Variants in KCNS3 observed in about 807,000 individuals in gnomAD.
KCNS3 encodes the protein potassium voltage-gated channel modifier subfamily S member 3.
In KCNS3, 13 loss-of-function variants were observed where a neutral mutation model predicts 31.0. That is an observed-to-expected ratio of 0.42 (90% CI 0.27 to 0.67). The LOEUF (loss-of-function observed/expected upper bound fraction) is 0.67. Among genes scored for constraint, KCNS3 ranks in the 30% least tolerant of loss-of-function variants. The probability of loss-of-function intolerance (pLI) is 0.25; values close to 1 mark genes in which losing one functional copy is unlikely to be tolerated. For missense variants in KCNS3, 545 were observed against 622.4 expected, an observed-to-expected ratio of 0.88 and a Z score of 1.32; for synonymous variants, 238 against 241.5, an observed-to-expected ratio of 0.99 and a Z score of 0.13.
intron 1 of KCNS3, among the ~76,000 whole-genome samples, chr2:17,909,883 G>T (rs1662430486): frequency 6.6e-6 from 1 of 152,186 alleles, no homozygotes; most frequent in Non-Finnish European, 1.5e-5. Flanking sequence ...AGGGTGGATG[G>T]TGGGCACTTT....
chr2:17,888,673 A>ATATG (rs1209333974), intron 1 of KCNS3, among the ~76,000 whole-genome samples: 1 of 135,818 alleles, frequency 7.4e-6, no homozygotes, highest in Non-Finnish European at 1.6e-5. Context: ...ATATATATAT[A>ATATG]AAGAAAAGGG....
intron 1 of KCNS3, among the ~76,000 whole-genome samples, chr2:17,881,334 T>C (rs1270944629): frequency 6.6e-6 from 1 of 152,192 alleles, no homozygotes; most frequent in Non-Finnish European, 1.5e-5. Context: ...CTGTGTGAAA[T>C]ACCCACAAAG....
At chr2:17,898,264 T>C (rs1259742292) in intron 1 of KCNS3, among the ~76,000 whole-genome samples, 2 of 150,818 alleles carry the variant, frequency 1.3e-5, no homozygotes, top group Non-Finnish European at 3.0e-5. Context: ...TTTTTTTTGC[T>C]TAAGATTGCT....
chr2:17,913,139 T>G (rs2344694), intron 1 of KCNS3, among the ~76,000 whole-genome samples: 1 of 1,474 alleles, frequency 6.8e-4, no homozygotes, highest in East Asian at 0.25. Context: ...TTTTATTTAA[T>G]TAAACACTGG....
At chr2:17,916,186 T>A (rs1662582425) in intron 1 of KCNS3, among the ~76,000 whole-genome samples, 1 of 152,176 alleles carries the variant, frequency 6.6e-6, no homozygotes, top group African/African-American at 2.4e-5. Context: ...CTACCTTCCC[T>A]TAAAGTGTGC....
chr2:17,897,426 A>C (rs766510579), intron 1 of KCNS3, among the ~76,000 whole-genome samples: 3 of 152,172 alleles, frequency 2.0e-5, no homozygotes, highest in Non-Finnish European at 4.4e-5. Context: ...TGCTGAGTTG[A>C]ATGGTAGTTC....
chr2:17,921,537 G>A (rs1394063875), intron 2 of KCNS3, among the ~76,000 whole-genome samples: 3 of 152,016 alleles, frequency 2.0e-5, no homozygotes, highest in African/African-American at 4.8e-5. Flanking sequence ...AAAGAACTAC[G>A]TGAGACTGAA....
chr2:17,931,558 G>A lies in KCNS3; in HGVS notation c.550G>A (p.Ala184Thr), dbSNP rs753326896. The A allele has an allele frequency of 3.7e-6, 6 of 1,614,136 alleles. No individual in the cohort carries two copies. Among genetic ancestry groups the A allele is most frequent in the East Asian group, 2.2e-5 (1 of 44,868 alleles). The change falls in exon 3 of 3, where the codon GCT (alanine) becomes ACT (threonine). Residue 184 changes from alanine (A) to threonine (T), a missense_variant. Physicochemically the swap from Ala to Thr is moderately conservative, Grantham distance 58 (BLOSUM62 0). Coordinates refer to ENST00000304101, the MANE Select transcript of KCNS3 (RefSeq NM_002252.5). This position sits in a 1 kb window ranked among gnomAD's most constrained non-coding sequence, Gnocchi z 5.4. ...RMENPAYCLS[A>T]KLIAISSLSV... Reference sequence around the variant, plus strand: ...GGAGAATCCAGCGTACTGCCTGTCCGCTAAGCTTATCGCTATCTCCTCCTT... The same window carrying A: ...GGAGAATCCAGCGTACTGCCTGTCCACTAAGCTTATCGCTATCTCCTCCTT...
chr2:17,885,235 G>A (rs541315488), intron 1 of KCNS3, among the ~76,000 whole-genome samples: 1 of 152,264 alleles, frequency 6.6e-6, no homozygotes, highest in South Asian at 2.1e-4. Context: ...AAGGACTGAT[G>A]GAGAGTCCTG....
intron 2 of KCNS3, among the ~76,000 whole-genome samples, chr2:17,920,295 C>A (rs1662680962): frequency 6.6e-6 from 1 of 152,112 alleles, no homozygotes; most frequent in Non-Finnish European, 1.5e-5. Context: ...TATTATAATA[C>A]TTTCATTACT....
intron 1 of KCNS3, among the ~76,000 whole-genome samples, chr2:17,888,627 ATG>A (rs1553341392): frequency 5.2e-5 from 3 of 57,718 alleles, no homozygotes; most frequent in African/African-American, 6.7e-5. Flanking sequence ...AATAAAAAAA[ATG>A]TATATATATA....
intron 2 of KCNS3, among the ~76,000 whole-genome samples, chr2:17,927,801 A>G (rs1662871069): frequency 6.6e-6 from 1 of 151,740 alleles, no homozygotes; most frequent in African/African-American, 2.4e-5. Context: ...CATATCAGAC[A>G]ATAATAACTT....
intron 1 of KCNS3, among the ~76,000 whole-genome samples, chr2:17,898,058 T>C (rs1662073737): frequency 6.6e-6 from 1 of 152,122 alleles, no homozygotes. Context: ...GATTAGGGAG[T>C]CCTTTCCCTA....
chr2:17,904,362 C>G (rs1255187030), intron 1 of KCNS3, among the ~76,000 whole-genome samples: 2 of 152,108 alleles, frequency 1.3e-5, no homozygotes, highest in African/African-American at 2.4e-5. Context: ...GATATTAGCC[C>G]TTTGTCAGAT....
chr2:17,891,838 C>G (rs1352117164), intron 1 of KCNS3, among the ~76,000 whole-genome samples: 4 of 152,104 alleles, frequency 2.6e-5, no homozygotes, highest in African/African-American at 9.7e-5. Flanking sequence ...CCTGGTGCTT[C>G]TGTCTCACAG....
chr2:17,879,843 A>G (rs1674602974), intron 1 of KCNS3, among the ~76,000 whole-genome samples: 1 of 152,020 alleles, frequency 6.6e-6, no homozygotes, highest in Non-Finnish European at 1.5e-5. Context: ...TGCCAAAATG[A>G]CCCAGGGGCC....
At chr2:17,879,925 C>G (rs543459783) in intron 1 of KCNS3, among the ~76,000 whole-genome samples, 95 of 152,252 alleles carry the variant, frequency 6.2e-4, no homozygotes, top group African/African-American at 2.2e-3. Context: ...CGGAGAGTAG[C>G]TTTGTGGTTG....
Position 17,907,535 on chromosome 2 carries a change from A to G in KCNS3, c.-251-10145A>G, listed in dbSNP as rs1347918616. Among the ~76,000 whole-genome samples, 11 of 152,170 alleles carry G rather than the reference A, an allele frequency of 7.2e-5. No individual in the cohort carries two copies. The East Asian group carries it at 1.2e-3, about 16-fold the overall frequency. ...AGCTGGTTATTTTGCTCGTTAGTTGATGCAGTTTATTCCTAGCATCGATGA... is the reference window on the plus strand; with the variant it reads ...AGCTGGTTATTTTGCTCGTTAGTTGGTGCAGTTTATTCCTAGCATCGATGA... On this transcript the variant is annotated intron_variant, in intron 1 of 2. Coordinates refer to ENST00000304101, the MANE Select transcript of KCNS3 (RefSeq NM_002252.5).
At chr2:17,922,100 T>G (rs1372648982) in intron 2 of KCNS3, among the ~76,000 whole-genome samples, 1 of 151,190 alleles carries the variant, frequency 6.6e-6, no homozygotes, top group African/African-American at 2.4e-5. Context: ...TTTTGCTGAT[T>G]GCACCCCTGT....
Sources: allele counts gnomAD v4.1 joint callset (sites outside exome capture counted in the v4.1 genomes callset), GRCh38; gene constraint gnomAD v4.1.1; non-coding constraint Gnocchi (gnomAD v3.1); transcripts MANE v1.5; gene names NCBI Gene and HGNC (gene_info 2026-07-23, HGNC 2026-07-21).